HOOK3: variants seen among roughly 807,000 people sequenced by gnomAD.
HOOK3 encodes the protein protein Hook homolog 3.
In HOOK3, 24 loss-of-function variants were observed where a neutral mutation model predicts 116.3. The ratio of observed to expected loss-of-function variants is 0.21; its 90% CI spans 0.15 to 0.29. HOOK3 has a LOEUF of 0.29. HOOK3 is among the 10% of genes least tolerant of loss of function. The pLI, the probability that HOOK3 is intolerant of heterozygous loss-of-function variation, is 1.00. For synonymous variants in HOOK3, 275 were observed against 283.0 expected (o/e 0.97, Z 0.28); for missense variants, 632 against 830.2 (o/e 0.76, Z 2.93).
intron 1 of HOOK3, among the ~76,000 whole-genome samples, chr8:42,899,673 T>C (rs1807143040): frequency 6.6e-6 from 1 of 152,222 alleles, no homozygotes; most frequent in Admixed American, 6.5e-5. Flanking sequence ...TTAGTTTTCT[T>C]GATTTTATGT....
chr8:42,946,675 A>G (rs185535444), intron 5 of HOOK3, among the ~76,000 whole-genome samples: 1 of 150,372 alleles, frequency 6.7e-6, no homozygotes, highest in Non-Finnish European at 1.5e-5. Flanking sequence ...GACTAATTTT[A>G]TTGGTCTCCA....
intron 16 of HOOK3, among the ~76,000 whole-genome samples, chr8:42,999,667 G>A (rs933013537): frequency 2.6e-5 from 4 of 152,038 alleles, no homozygotes; most frequent in East Asian, 3.9e-4. Flanking sequence ...ATCTTAAGTC[G>A]GAGTAGAAGG....
At chr8:42,974,420 G>GTC (rs1391584784) in intron 13 of HOOK3, among the ~76,000 whole-genome samples, 1 of 152,112 alleles carries the variant, frequency 6.6e-6, no homozygotes, top group East Asian at 1.9e-4. Context: ...TGTATTTTTA[G>GTC]TAGAGATGGG....
intron 8 of HOOK3, among the ~76,000 whole-genome samples, chr8:42,962,737 C>G (rs1808556809): frequency 6.7e-6 from 1 of 148,624 alleles, no homozygotes; most frequent in Non-Finnish European, 1.5e-5. Flanking sequence ...TTCTTTTTGT[C>G]TGTGTGTAAA....
At chr8:42,938,325 A>G (rs1168204447) in intron 4 of HOOK3, among the ~76,000 whole-genome samples, 2 of 151,904 alleles carry the variant, frequency 1.3e-5, no homozygotes, top group Admixed American at 6.6e-5. Flanking sequence ...AATACAGCAC[A>G]CTGATGGGTC....
chr8:42,967,565 C>T (rs1472579938), intron 10 of HOOK3, among the ~76,000 whole-genome samples: 4 of 152,116 alleles, frequency 2.6e-5, no homozygotes, highest in Admixed American at 6.6e-5. Flanking sequence ...TACACATGCA[C>T]ACGCGCATTT....
At chr8:43,012,641 C>G (rs1809634743) in intron 19 of HOOK3, among the ~76,000 whole-genome samples, 1 of 152,012 alleles carries the variant, frequency 6.6e-6, no homozygotes, top group South Asian at 2.1e-4. Flanking sequence ...GCTCTGTTGC[C>G]CAGGCTGGAG....
At chr8:42,937,039 A>G (rs1807984919) in intron 4 of HOOK3, among the ~76,000 whole-genome samples, 1 of 151,784 alleles carries the variant, frequency 6.6e-6, no homozygotes, top group Non-Finnish European at 1.5e-5. Context: ...TTTGGTTGGT[A>G]AGGTATTACT....
chr8:43,021,127 A>C lies in HOOK3; in HGVS notation c.*2629A>C, dbSNP rs375062692. 0.012 allele frequency: 2,332 copies of C among 191,754 alleles called. 105 individuals are homozygous for C. The highest frequency in any genetic ancestry group is 0.055 in the African/African-American group (2,182 of 39,830). The allele number at this position is 191,754 out of a possible 1,614,324, so 11.9% of individuals were successfully genotyped here. A position where few individuals can be genotyped will look rare whatever the true frequency, so the allele number is the denominator to read the frequency against. On this transcript the variant is annotated 3_prime_UTR_variant, in exon 22 of 22. Transcript: ENST00000307602. ...AAGAAAAAAAAAAAAAAAAAAAAAA[A>C]AAAAAACAGTCTGTGAACTACTCAC...
intron 9 of HOOK3, 119 bp from the exon 10 acceptor site, chr8:42,966,354 C>A (rs1310052544): frequency 9.9e-7 from 1 of 1,007,624 alleles, no homozygotes; most frequent in Non-Finnish European, 1.4e-6. Flanking sequence ...TGGCCACTAA[C>A]ATGGGAGACA....
At chr8:42,940,254 C>T (rs1031252619) in intron 4 of HOOK3, among the ~76,000 whole-genome samples, 15 of 152,246 alleles carry the variant, frequency 9.9e-5, no homozygotes, top group East Asian at 3.9e-4. Flanking sequence ...CCGAGGCTGG[C>T]GGATCACTCG....
chr8:42,950,064 TAC>T (rs1430323770), intron 5 of HOOK3, among the ~76,000 whole-genome samples: 3 of 152,140 alleles, frequency 2.0e-5, no homozygotes, highest in Non-Finnish European at 2.9e-5. Flanking sequence ...AAAAAAGTAA[TAC>T]AGAGATTTTT....
In HOOK3 at chr8:43,019,641, TTAACA is replaced by T. The variant is rs1311088954; in HGVS notation, c.*1144_*1148del. Reference sequence around the variant, plus strand: ...GGTTGCCTCAAAGTGCTTACATTTGTTAACAGATTGTAAACCACATTTATTTACAT... The same window carrying T: ...GGTTGCCTCAAAGTGCTTACATTTGTGATTGTAAACCACATTTATTTACAT... On this transcript the variant is annotated 3_prime_UTR_variant, in exon 22 of 22. Coordinates refer to ENST00000307602, the MANE Select transcript of HOOK3 (RefSeq NM_032410.4). 5 of 204,344 alleles carry T rather than the reference TTAACA, an allele frequency of 2.4e-5. No homozygotes were observed. Among genetic ancestry groups the T allele is most frequent in the African/African-American group, 1.1e-4 (5 of 43,806 alleles). The allele number at this position is 204,344 out of a possible 1,614,324, so 12.7% of individuals were successfully genotyped here.
chr8:42,932,644 C>T (rs1400846713), intron 4 of HOOK3, among the ~76,000 whole-genome samples: 3 of 152,168 alleles, frequency 2.0e-5, no homozygotes, highest in African/African-American at 7.2e-5. Flanking sequence ...ATAGCATCCC[C>T]TAGCCTGAGC....
intron 9 of HOOK3, among the ~76,000 whole-genome samples, chr8:42,965,782 T>A (rs1250274292): frequency 6.6e-6 from 1 of 152,122 alleles, no homozygotes; most frequent in Non-Finnish European, 1.5e-5. Context: ...AGTAATAAAC[T>A]TTTCTTAGGC....
chr8:43,016,700 A>G (rs968771846), intron 21 of HOOK3, among the ~76,000 whole-genome samples: 3 of 152,354 alleles, frequency 2.0e-5, no homozygotes, highest in Admixed American at 2.0e-4. Flanking sequence ...ATAAAATACA[A>G]ATTTTTAATA....
chr8:42,947,661 A>C (rs1014525062), intron 5 of HOOK3, among the ~76,000 whole-genome samples: 1 of 152,224 alleles, frequency 6.6e-6, no homozygotes, highest in Non-Finnish European at 1.5e-5. Context: ...CTAAGAATCA[A>C]GTACATGAGT....
chr8:42,928,320 G>A (rs577002777), intron 3 of HOOK3, among the ~76,000 whole-genome samples: 4 of 150,216 alleles, frequency 2.7e-5, no homozygotes, highest in East Asian at 2.0e-4. Flanking sequence ...GTGTGGTGCC[G>A]GGCGCCTGTA....
chr8:42,968,010 T>C lies in HOOK3; in HGVS notation c.921-3T>C, dbSNP rs370957433. ...ATTTTTTTAATTTCCCATCTAATTC[T>C]AGACATTCTTCTGATAAAGTATCTA... On this transcript the variant is annotated splice_region_variant and splice_polypyrimidine_tract_variant and intron_variant, in intron 10 of 21. Coordinates refer to ENST00000307602, the MANE Select transcript of HOOK3 (RefSeq NM_032410.4). 87 of 1,486,802 alleles carry C rather than the reference T, an allele frequency of 5.9e-5. No homozygotes were observed. Among genetic ancestry groups the C allele is most frequent in the Non-Finnish European group, 8.1e-5 (86 of 1,067,426 alleles). The allele number at this position is 1,486,802 out of a possible 1,614,324, so 92.1% of individuals were successfully genotyped here. A position where few individuals can be genotyped will look rare whatever the true frequency, so the allele number is the denominator to read the frequency against.
Sources: gnomAD v4.1 joint callset for allele counts (sites outside exome capture counted in the v4.1 genomes callset) on GRCh38, gnomAD v4.1.1 for gene constraint, MANE v1.5 for transcripts, NCBI Gene and HGNC (gene_info 2026-07-23, HGNC 2026-07-21) for gene names.